PTPRT: variants seen among roughly 807,000 people sequenced by gnomAD.
The protein encoded by PTPRT is protein tyrosine phosphatase receptor type T.
In PTPRT, 56 loss-of-function variants were observed where a neutral mutation model predicts 176.8. That is an observed-to-expected ratio of 0.32 (90% CI 0.26 to 0.40). The LOEUF is 0.40. Among genes scored for constraint, PTPRT ranks in the 10% least tolerant of loss-of-function variants. The pLI, the probability that PTPRT is intolerant of heterozygous loss-of-function variation, is 1.00. For missense variants in PTPRT, 1,540 were observed against 1,908.2 expected, an observed-to-expected ratio of 0.81 and a Z score of 3.60; for synonymous variants, 783 against 739.0, an observed-to-expected ratio of 1.06 and a Z score of -0.96.
At chr20:42,690,754 C>G (rs890272815) in intron 6 of PTPRT, among the ~76,000 whole-genome samples, 35 of 152,176 alleles carry the variant, frequency 2.3e-4, no homozygotes, top group African/African-American at 8.2e-4. Context: ...CTGGGTCAGA[C>G]AGAGGTTGCC....
At chr20:42,168,158 G>C (rs1989910466) in intron 16 of PTPRT, among the ~76,000 whole-genome samples, 1 of 112,656 alleles carries the variant, frequency 8.9e-6, no homozygotes, top group African/African-American at 3.2e-5. Context: ...ACATTGAGTA[G>C]ACTGAGGAGG....
At chr20:42,709,618 T>C (rs974750815) in intron 6 of PTPRT, among the ~76,000 whole-genome samples, 1 of 152,172 alleles carries the variant, frequency 6.6e-6, no homozygotes, top group Non-Finnish European at 1.5e-5. Context: ...TTTATAGCAA[T>C]GTAAAATGGA....
chr20:43,080,850 G>C (rs1479618484), intron 1 of PTPRT, among the ~76,000 whole-genome samples: 3 of 152,326 alleles, frequency 2.0e-5, no homozygotes, highest in African/African-American at 7.2e-5. Context: ...ACAAGATGGA[G>C]GGAGCCTGGG....
chr20:42,787,017 C>T (rs1226920883), intron 3 of PTPRT, among the ~76,000 whole-genome samples: 1 of 152,230 alleles, frequency 6.6e-6, no homozygotes, highest in Non-Finnish European at 1.5e-5. Context: ...TGGAACACAG[C>T]TGGGTCCATT....
chr20:42,062,565 C>T, the PTPRT span, among the ~76,000 whole-genome samples: 6 of 152,322 alleles, frequency 3.9e-5, no homozygotes, highest in East Asian at 1.2e-3. Flanking sequence ...ACATCATGCA[C>T]ATTTAATCCC....
At chr20:42,041,809 T>C in the PTPRT span, among the ~76,000 whole-genome samples, 1 of 152,254 alleles carries the variant, frequency 6.6e-6, no homozygotes, top group African/African-American at 2.4e-5. Context: ...TGTTCTTTAC[T>C]ATTATAATTA....
intron 7 of PTPRT, among the ~76,000 whole-genome samples, chr20:42,510,234 G>A (rs1349571864): frequency 2.0e-5 from 3 of 152,004 alleles, no homozygotes; most frequent in East Asian, 3.9e-4. Context: ...AACCCCCCTT[G>A]AAAATGCCCC....
intron 3 of PTPRT, among the ~76,000 whole-genome samples, chr20:42,784,153 A>G (rs1241349633): frequency 6.6e-6 from 1 of 151,960 alleles, no homozygotes; most frequent in Non-Finnish European, 1.5e-5. Context: ...CTACTTGTGC[A>G]AAGCCAGGAA....
rs1242881901 is a variant in PTPRT, at chr20:42,110,368, G to T, written c.3219C>A (p.Asn1073Lys). Residue 1073 changes from asparagine to lysine, a missense_variant, in exon 23 of 31, where the codon AAC (asparagine) becomes AAA (lysine). Asn to Lys is a moderately conservative substitution (Grantham distance 94). Around this residue, in one of 11 missense-constraint regions of PTPRT, gnomAD observed 248 missense variants for 356.7 expected, o/e 0.70. Coordinates refer to ENST00000373187, the MANE Select transcript of PTPRT (RefSeq NM_007050.6). Reference protein sequence around the residue: ...LGFVRQVKFLNPPEAGPIVVH... With the variant: ...LGFVRQVKFLKPPEAGPIVVH... ...CCACTATGGGCCCAGCTTCCGGGGG[G>T]TTGAGGAACTTGACCTGGCGGACGA... is the stretch of plus-strand genomic sequence containing the variant. 6.2e-7 allele frequency: 1 copy of T among 1,612,846 alleles called. No individual in the cohort carries two copies. The highest frequency in any genetic ancestry group is 1.1e-5 in the South Asian group (1 of 90,930).
chr20:42,892,854 T>A (rs779693503), intron 1 of PTPRT, among the ~76,000 whole-genome samples: 1 of 152,184 alleles, frequency 6.6e-6, no homozygotes, highest in African/African-American at 2.4e-5. Flanking sequence ...CCATAGTATA[T>A]GCTTGCACTT....
intron 6 of PTPRT, among the ~76,000 whole-genome samples, chr20:42,733,021 G>T (rs2076485609): frequency 6.6e-6 from 1 of 152,158 alleles, no homozygotes. Context: ...GATATCTCGA[G>T]AGGCCTTCTC....
chr20:42,139,657 A>T (rs1988532005), intron 18 of PTPRT, among the ~76,000 whole-genome samples: 1 of 152,238 alleles, frequency 6.6e-6, no homozygotes, highest in African/African-American at 2.4e-5. Context: ...CTTTGGAGAA[A>T]GTCCTCAGTC....
Position 42,448,292 on chromosome 20 carries a change from C to A in PTPRT, c.1488G>T (p.Gly496=), listed in dbSNP as rs146227148. The part of the protein sequence containing the change: ...GAVPLESIQG[G]PFEEKIYIQW... The stretch of plus-strand genomic sequence containing the variant: ...GGATGTAGATCTTCTCCTCAAAGGG[C>A]CCCCCTTGGATGGATTCTAGAGGAA... The change falls in exon 9 of 31, where the codon GGG becomes GGT. Residue 496 remains glycine, a synonymous_variant. Transcript: ENST00000373187. 30 of 1,613,058 alleles carry A rather than the reference C, an allele frequency of 1.9e-5. No individual in the cohort carries two copies. Among genetic ancestry groups the A allele is most frequent in the Non-Finnish European group, 2.5e-5 (29 of 1,179,352 alleles).
intron 7 of PTPRT, among the ~76,000 whole-genome samples, chr20:42,572,898 C>G (rs2073181496): frequency 6.6e-6 from 1 of 151,364 alleles, no homozygotes; most frequent in South Asian, 2.1e-4. Flanking sequence ...CTACCTTGAC[C>G]TCTAACACTA....
At position 42,216,677 on chromosome 20, in the gene PTPRT, G is replaced by A. The variant is rs774388497; in HGVS notation, c.2343-17289C>T. ...TGTTTATGGAATGAATGAATAAATT[G>A]AGTGACACTTTCCATTCCTTTATTG... On this transcript the variant is annotated intron_variant, in intron 15 of 30. Transcript: ENST00000373187. Among the ~76,000 whole-genome samples, 5 of 152,148 alleles carry A rather than the reference G, an allele frequency of 3.3e-5. No homozygotes were observed. In the East Asian group the frequency reaches 9.6e-4, roughly 29 times the overall value.
At chr20:42,359,155 A>G (rs2058397765) in intron 9 of PTPRT, among the ~76,000 whole-genome samples, 1 of 152,178 alleles carries the variant, frequency 6.6e-6, no homozygotes, top group African/African-American at 2.4e-5. Context: ...CTGTTGTTTC[A>G]TAAGCTCTCC....
intron 1 of PTPRT, among the ~76,000 whole-genome samples, chr20:42,921,214 T>A (rs936404480): frequency 6.6e-6 from 1 of 152,226 alleles, no homozygotes; most frequent in Non-Finnish European, 1.5e-5. Flanking sequence ...ATTATTTTCA[T>A]CTCTGTTTTC....
intron 7 of PTPRT, among the ~76,000 whole-genome samples, chr20:42,526,894 G>A (rs1309005364): frequency 6.8e-6 from 1 of 146,634 alleles, no homozygotes; most frequent in African/African-American, 2.5e-5. Flanking sequence ...AAAGATTAAT[G>A]TCATAGGATT....
At chr20:42,498,264 T>A (rs1375925229) in intron 7 of PTPRT, among the ~76,000 whole-genome samples, 1 of 151,990 alleles carries the variant, frequency 6.6e-6, no homozygotes, top group African/African-American at 2.4e-5. Flanking sequence ...GCCAAAGAGA[T>A]CCCCCAAAAC....
Sources: allele counts gnomAD v4.1 joint callset (sites outside exome capture counted in the v4.1 genomes callset), GRCh38; gene constraint gnomAD v4.1.1; regional missense constraint gnomAD v4.1.1; transcripts MANE v1.5; gene names NCBI Gene and HGNC (gene_info 2026-07-23, HGNC 2026-07-21).